TMEM237: variants seen among roughly 807,000 people sequenced by gnomAD.
TMEM237 encodes the protein transmembrane protein 237.
Under a neutral mutation model 59.1 loss-of-function variants are expected in TMEM237, and 51 were observed. That is an observed-to-expected ratio of 0.86 (90% confidence interval 0.69 to 1.09). TMEM237 has a LOEUF of 1.09. TMEM237 is among the 50% of genes least tolerant of loss of function. The pLI is 0.00. For synonymous variants in TMEM237, 140 were observed against 166.1 expected, an observed-to-expected ratio of 0.84 and a Z score of 1.21; for missense variants, 475 against 478.3, an observed-to-expected ratio of 0.99 and a Z score of 0.06.
At chr2:201,629,625 TG>T in intron 8 of TMEM237, 103 bp downstream of exon 8, 1 of 1,468,394 alleles carries the variant, frequency 6.8e-7, no homozygotes, top group Non-Finnish European at 9.1e-7. Flanking sequence ...CATTTTAAGT[TG>T]TGATTTCATT....
rs80310645 is a variant in TMEM237 at position 201,632,027 on chromosome 2, T to C, written c.553+24A>G. On this transcript the variant is annotated intron_variant, in intron 7 of 12. Transcript: ENST00000409883. ...TTGGACAATTTTTAAAGAGTTCATA[T>C]TCTAAAACAAGGCATCTACTTACGG... 792 of 1,612,354 alleles carry C rather than the reference T, an allele frequency of 4.9e-4. 5 individuals are homozygous for C. In the African/African-American group the frequency reaches 9.3e-3, roughly 19 times the overall value.
chr2:201,637,911 T>C (rs1687333691), intron 4 of TMEM237, among the ~76,000 whole-genome samples: 1 of 152,214 alleles, frequency 6.6e-6, no homozygotes. Flanking sequence ...ATTTAGAGAA[T>C]GAGACACTCT....
At chr2:201,642,983 A>G in intron 1 of TMEM237, 1 of 1,298,604 alleles carries the variant, frequency 7.7e-7, no homozygotes, top group Non-Finnish European at 9.7e-7. Context: ...AGGACTCCGC[A>G]GGCGAACAGA....
Position 201,621,121 on chromosome 2 carries a change from C to A in TMEM237, c.*3134G>T, listed in dbSNP as rs565592584. 1 of 152,274 alleles carries A rather than the reference C, an allele frequency of 6.6e-6. No homozygotes were observed. The highest frequency in any genetic ancestry group is 2.1e-4 in the South Asian group (1 of 4,826). 9.4% of individuals were successfully genotyped at this position (152,274 alleles called of 1,614,324 possible). A position where few individuals can be genotyped will look rare whatever the true frequency, so the allele number is the denominator to read the frequency against. Reference sequence around the variant, plus strand: ...AAGTACACAGCATCACAGATGAAGTCATATTTTTTTAAAAAATCTAATCAA... The same window carrying A: ...AAGTACACAGCATCACAGATGAAGTAATATTTTTTTAAAAAATCTAATCAA... On this transcript the variant is annotated 3_prime_UTR_variant, in exon 13 of 13. Coordinates refer to ENST00000409883, the MANE Select transcript of TMEM237 (RefSeq NM_001044385.3).
At chr2:201,641,878 T>C (rs1482351484) in intron 1 of TMEM237, among the ~76,000 whole-genome samples, 1 of 152,138 alleles carries the variant, frequency 6.6e-6, no homozygotes, top group Non-Finnish European at 1.5e-5. Context: ...TTGGAATGTT[T>C]CAGGTAAAAG....
rs1201314373 is a variant in TMEM237 at position 201,620,511 on chromosome 2, G to A, written c.*3744C>T. 3 of 152,170 alleles carry A rather than the reference G, an allele frequency of 2.0e-5. No individual in the cohort carries two copies. The highest frequency in any genetic ancestry group is 4.8e-5 in the African/African-American group (2 of 41,426). The allele number at this position is 152,170 out of a possible 1,614,324, so 9.4% of individuals were successfully genotyped here. ...AGTAGGCATTGCAATAAGAATACAA[G>A]TGCCACAGTAAACTATGTGCATATA... On this transcript the variant is annotated 3_prime_UTR_variant, in exon 13 of 13. Transcript: ENST00000409883.
chr2:201,624,187 T>C lies in TMEM237; in HGVS notation c.*68A>G. 1 of 1,250,516 alleles carries C rather than the reference T, an allele frequency of 8.0e-7. No individual in the cohort carries two copies. The highest frequency in any genetic ancestry group is 1.2e-6 in the Non-Finnish European group (1 of 862,930). The allele number at this position is 1,250,516 out of a possible 1,614,324, so 77.5% of individuals were successfully genotyped here. On this transcript the variant is annotated 3_prime_UTR_variant, in exon 13 of 13. Transcript: ENST00000409883. ...TACAAATACACATGTATACATCTTATAAAAATACATTTAAAAACAAAAATG... is the reference window on the plus strand; with the variant it reads ...TACAAATACACATGTATACATCTTACAAAAATACATTTAAAAACAAAAATG...
At chr2:201,638,899 G>T in intron 4 of TMEM237, 90 bp downstream of exon 4, 1 of 1,238,342 alleles carries the variant, frequency 8.1e-7, no homozygotes. Flanking sequence ...GGGGCTGCTG[G>T]GGCCTTAATT....
intron 11 of TMEM237, 176 bp from the exon 12 acceptor site, chr2:201,626,323 G>C: frequency 1.6e-6 from 1 of 623,666 alleles, no homozygotes; most frequent in Non-Finnish European, 2.6e-6. Context: ...ATGAGAACAA[G>C]GGTTCAAAGG....
intron 6 of TMEM237, 91 bp from the exon 7 acceptor site, chr2:201,632,299 G>T: frequency 7.2e-7 from 1 of 1,386,464 alleles, no homozygotes; most frequent in Non-Finnish European, 9.9e-7. Context: ...AATGGAAAGG[G>T]CCCTGGACTT....
intron 9 of TMEM237, 99 bp downstream of exon 9, chr2:201,629,131 C>G (rs1341123497): frequency 9.5e-6 from 9 of 944,278 alleles, no homozygotes; most frequent in African/African-American, 1.7e-5. Context: ...AACATTGATA[C>G]TCTATAATTC....
rs1260432092 is a variant in TMEM237 at position 201,643,023 on chromosome 2, C to T, written c.42+336G>A. 7.8e-7 allele frequency: 1 copy of T among 1,282,404 alleles called. No individual in the cohort carries two copies. The highest frequency in any genetic ancestry group is 9.9e-7 in the Non-Finnish European group (1 of 1,010,232). 79.4% of individuals were successfully genotyped at this position (1,282,404 alleles called of 1,614,324 possible). A position where few individuals can be genotyped will look rare whatever the true frequency, so the allele number is the denominator to read the frequency against. On this transcript the variant is annotated intron_variant, in intron 1 of 12. Transcript: ENST00000409883. The surrounding 1 kb of genome is among the most constrained non-coding windows in gnomAD (Gnocchi z 4.3). ...TTCTGGGCAGCTACAGACCTCTCCT[C>T]GGAGGAGTCTAGGAGAGGCCTGGCT...
At position 201,626,771 on chromosome 2, in the gene TMEM237, T is replaced by C. The variant is rs553556303; in HGVS notation, c.1037+550A>G. The stretch of plus-strand genomic sequence containing the variant: ...AATGCAGGGCTCCTTCCGTCCATCA[T>C]ATGATGACTTATTTTAGAACTATAA... On this transcript the variant is annotated intron_variant, in intron 11 of 12. Transcript: ENST00000409883. 3.9e-5 allele frequency among the ~76,000 whole-genome samples: 6 copies of C among 152,322 alleles called. No homozygotes were observed. The South Asian group carries it at 1.2e-3, about 32-fold the overall frequency.
intron 12 of TMEM237, 27 bp from the exon 13 acceptor site, chr2:201,624,349 C>T (rs765725144): frequency 1.9e-6 from 3 of 1,590,526 alleles, no homozygotes; most frequent in Non-Finnish European, 2.6e-6. Flanking sequence ...ACAGATCATA[C>T]TTAAAATTGT....
At chr2:201,636,684 G>C in intron 5 of TMEM237, 64 bp downstream of exon 5, 1 of 1,519,824 alleles carries the variant, frequency 6.6e-7, no homozygotes, top group Non-Finnish European at 8.8e-7. Flanking sequence ...AAAGCAGAGA[G>C]GTTTTTATCA....
intron 8 of TMEM237, 88 bp from the exon 9 acceptor site, chr2:201,629,509 A>G: frequency 7.2e-7 from 1 of 1,381,688 alleles, no homozygotes; most frequent in Non-Finnish European, 9.5e-7. Flanking sequence ...TACAAGAATA[A>G]AATTCAACAT....
At chr2:201,640,395 A>C (rs1297670138) in intron 2 of TMEM237, 130 bp from the exon 3 acceptor site, 1 of 923,298 alleles carries the variant, frequency 1.1e-6, no homozygotes, top group Non-Finnish European at 1.5e-6. Context: ...AAATAAAATT[A>C]GCTTTCACAT....
At position 201,643,187 on chromosome 2, in the gene TMEM237, C is replaced by G. The variant is rs187247433; in HGVS notation, c.42+172G>C. Among the ~76,000 whole-genome samples, 444 of 152,286 alleles carry G rather than the reference C, an allele frequency of 2.9e-3. 3 individuals carry two copies. Among genetic ancestry groups the G allele is most frequent in the African/African-American group, 9.9e-3 (410 of 41,568 alleles). On this transcript the variant is annotated intron_variant, in intron 1 of 12. Transcript: ENST00000409883. The surrounding 1 kb of genome is among the most constrained non-coding windows in gnomAD (Gnocchi z 4.3). ...AGTTCGGTCCCGGCCTCGCCTGCGT[C>G]TCCGTCCCATTCCTGTGAACACTGG...
intron 11 of TMEM237, 46 bp from the exon 12 acceptor site, chr2:201,626,193 A>G (rs374578541): frequency 1.1e-5 from 17 of 1,575,676 alleles, no homozygotes; most frequent in Middle Eastern, 3.4e-4. Context: ...AGTTTGGTTC[A>G]TATACACAAA....
Sources: gnomAD v4.1 joint callset for allele counts (sites outside exome capture counted in the v4.1 genomes callset) on GRCh38, gnomAD v4.1.1 for gene constraint, Gnocchi (gnomAD v3.1) non-coding constraint, MANE v1.5 for transcripts, NCBI Gene and HGNC (gene_info 2026-07-23, HGNC 2026-07-21) for gene names.